The following ATG7 variants were observed in gnomAD, a reference collection of about 807,000 sequenced individuals.
ATG7 encodes the protein autophagy related 7, also known as ubiquitin-like modifier-activating enzyme ATG7.
In ATG7, 70 loss-of-function variants were observed where a neutral mutation model predicts 82.4. The ratio of observed to expected loss-of-function variants is 0.85; its 90% CI spans 0.70 to 1.04. ATG7 has a LOEUF of 1.04. Ranked by LOEUF, ATG7 falls within the 50% of genes least tolerant of loss-of-function variation. The probability of loss-of-function intolerance (pLI) is 0.00; values close to 1 mark genes in which losing one functional copy is unlikely to be tolerated. For synonymous variants in ATG7, 287 were observed against 313.0 expected (o/e 0.92, Z 0.88); for missense variants, 792 against 864.3 (o/e 0.92, Z 1.05).
chr3:11,359,515 T>C (rs2076150584), intron 15 of ATG7, among the ~76,000 whole-genome samples: 1 of 151,988 alleles, frequency 6.6e-6, no homozygotes, highest in Non-Finnish European at 1.5e-5. Context: ...GGCAACATGG[T>C]GAGACTCTCT....
chr3:11,478,559 A>T (rs7623147), intron 20 of ATG7, among the ~76,000 whole-genome samples: 1 of 152,136 alleles, frequency 6.6e-6, no homozygotes, highest in African/African-American at 2.4e-5. Flanking sequence ...TAAATCACTT[A>T]CAACAGCTTT....
chr3:11,402,305 C>A (rs923208897), intron 19 of ATG7, among the ~76,000 whole-genome samples: 1 of 151,916 alleles, frequency 6.6e-6, no homozygotes. Flanking sequence ...TAGTGGCAGG[C>A]GCCTGTAATC....
chr3:11,474,874 G>C (rs1339597982), intron 20 of ATG7, among the ~76,000 whole-genome samples: 2 of 152,080 alleles, frequency 1.3e-5, no homozygotes, highest in Admixed American at 1.3e-4. Context: ...GGTGGGAGTG[G>C]GGGGCCGGAG....
chr3:11,564,721 C>G, the ATG7 span: 9 of 1,504,804 alleles, frequency 6.0e-6, no homozygotes, highest in Non-Finnish European at 8.0e-6. Context: ...TCGGAGTCCT[C>G]TGCTCGGGGC....
chr3:11,538,671 C>T (rs1213272839), intron 20 of ATG7, among the ~76,000 whole-genome samples: 18 of 108,500 alleles, frequency 1.7e-4, no homozygotes, highest in East Asian at 5.5e-4. Flanking sequence ...GATGAAACTC[C>T]GTCTCTAAAA....
chr3:11,393,346 G>GGTAT (rs2078967434), intron 19 of ATG7, among the ~76,000 whole-genome samples: 1 of 151,946 alleles, frequency 6.6e-6, no homozygotes, highest in Admixed American at 6.6e-5. Flanking sequence ...CCACACCTGG[G>GGTAT]GTATGCACTC....
At chr3:11,379,083 A>G (rs1459045959) in intron 18 of ATG7, among the ~76,000 whole-genome samples, 4 of 152,108 alleles carry the variant, frequency 2.6e-5, no homozygotes, top group African/African-American at 9.7e-5. Context: ...TGGCTCCATT[A>G]CTTACTGTTT....
At chr3:11,453,254 G>A (rs1200938989) in intron 20 of ATG7, among the ~76,000 whole-genome samples, 1 of 152,262 alleles carries the variant, frequency 6.6e-6, no homozygotes, top group Non-Finnish European at 1.5e-5. Context: ...TCCTGAAAGT[G>A]TGGAAAGGCC....
chr3:11,297,638 T>C (rs1946160833), intron 3 of ATG7, among the ~76,000 whole-genome samples: 1 of 152,118 alleles, frequency 6.6e-6, no homozygotes, highest in South Asian at 2.1e-4. Context: ...ATATATATCA[T>C]GGCACAAAAT....
chr3:11,298,925 T>C, intron 4 of ATG7, 70 bp downstream of exon 4: 1 of 1,533,874 alleles, frequency 6.5e-7, no homozygotes, highest in Non-Finnish European at 8.9e-7. Flanking sequence ...TAGTGTCAGC[T>C]TTCCTTTAGA....
intron 9 of ATG7, among the ~76,000 whole-genome samples, chr3:11,324,418 G>A (rs539896830): frequency 2.0e-5 from 3 of 152,152 alleles, no homozygotes; most frequent in Non-Finnish European, 4.4e-5. Context: ...ATTAAATGAT[G>A]TTCAGCTTAG....
Position 11,509,413 on chromosome 3 carries a change from G to A in ATG7, c.2080-45398G>A, listed in dbSNP as rs185438251. Among the ~76,000 whole-genome samples, 54 of 148,224 alleles carry A rather than the reference G, an allele frequency of 3.6e-4. 1 individual carries two copies. In the East Asian group the frequency reaches 0.011, roughly 29 times the overall value. ...AGTGTGGTTTTTTTTTTTTTTAAGTGCCAAATTGTGAGCTCCTGATGGCCA... is the reference window on the plus strand; with the variant it reads ...AGTGTGGTTTTTTTTTTTTTTAAGTACCAAATTGTGAGCTCCTGATGGCCA... On this transcript the variant is annotated intron_variant, in intron 20 of 20. Coordinates refer to ENST00000693202, the MANE Select transcript of ATG7 (RefSeq NM_001349232.2).
At chr3:11,275,707 T>G (rs1164696984) in intron 1 of ATG7, among the ~76,000 whole-genome samples, 1 of 152,114 alleles carries the variant, frequency 6.6e-6, no homozygotes, top group African/African-American at 2.4e-5. Flanking sequence ...GATTAAGGCC[T>G]GATTGTATAA....
chr3:11,534,513 G>A (rs1383701241), intron 20 of ATG7, among the ~76,000 whole-genome samples: 7 of 152,240 alleles, frequency 4.6e-5, no homozygotes, highest in South Asian at 2.1e-4. Context: ...GAGCCAAGGC[G>A]GTCTGGAACG....
the ATG7 span, chr3:11,565,130 G>C: frequency 1.8e-6 from 2 of 1,114,070 alleles, no homozygotes; most frequent in Non-Finnish European, 2.4e-6. The surrounding 1 kb of genome is among the most constrained non-coding windows in gnomAD (Gnocchi z 4.1). Context: ...CTGAAGCTCA[G>C]GTCGTGTGGC....
chr3:11,385,382 G>A (rs2078242589), intron 19 of ATG7, among the ~76,000 whole-genome samples: 1 of 152,176 alleles, frequency 6.6e-6, no homozygotes, highest in African/African-American at 2.4e-5. Context: ...GTCACCTAAG[G>A]ACTTTGCAAA....
At chr3:11,312,655 G>A (rs1462739807) in intron 7 of ATG7, among the ~76,000 whole-genome samples, 1 of 152,202 alleles carries the variant, frequency 6.6e-6, no homozygotes, top group Admixed American at 6.5e-5. Context: ...TACATAGCAA[G>A]GGCTTGATAG....
At chr3:11,456,723 C>CA (rs1269198743) in intron 20 of ATG7, among the ~76,000 whole-genome samples, 1 of 152,178 alleles carries the variant, frequency 6.6e-6, no homozygotes, top group Non-Finnish European at 1.5e-5. Context: ...TGTTTGGACT[C>CA]AAAAATGTGA....
chr3:11,307,157 C>A, intron 6 of ATG7, 97 bp downstream of exon 6: 1 of 1,111,074 alleles, frequency 9.0e-7, no homozygotes, highest in Non-Finnish European at 1.4e-6. Flanking sequence ...CAGAAACTGG[C>A]ATATGAAGGG....
Sources: allele counts gnomAD v4.1 joint callset (sites outside exome capture counted in the v4.1 genomes callset), GRCh38; gene constraint gnomAD v4.1.1; non-coding constraint Gnocchi (gnomAD v3.1); transcripts MANE v1.5; gene names NCBI Gene and HGNC (gene_info 2026-07-23, HGNC 2026-07-21).